The following TMEM260 variants were observed in gnomAD, a reference collection of about 807,000 sequenced individuals.
The protein encoded by TMEM260 is protein O-mannosyl-transferase TMEM260.
TMEM260 carries 82 observed loss-of-function variants against 88.9 expected under a neutral mutation model. That is an observed-to-expected ratio of 0.92 (90% CI 0.77 to 1.11). The LOEUF (loss-of-function observed/expected upper bound fraction) is 1.11, where lower values mean the gene tolerates loss of function less well. Ranked by LOEUF, TMEM260 falls within the 50% of genes least tolerant of loss-of-function variation. The pLI is 0.00. For missense variants in TMEM260, 902 were observed against 853.4 expected (o/e 1.06, Z -0.71); for synonymous variants, 314 against 309.3 (o/e 1.02, Z -0.16).
chr14:56,608,378 T>C (rs892740646), intron 5 of TMEM260, among the ~76,000 whole-genome samples: 11 of 152,224 alleles, frequency 7.2e-5, no homozygotes, highest in Non-Finnish European at 1.2e-4. Context: ...TGATTGAATA[T>C]ATCAGAATTC....
chr14:56,624,826 T>C (rs1888141512), intron 11 of TMEM260, among the ~76,000 whole-genome samples: 1 of 151,774 alleles, frequency 6.6e-6, no homozygotes, highest in Non-Finnish European at 1.5e-5. Context: ...GTCCCCAACC[T>C]TTTTTACACC....
At chr14:56,607,835 G>A (rs770198599) in intron 5 of TMEM260, among the ~76,000 whole-genome samples, 3 of 152,120 alleles carry the variant, frequency 2.0e-5, no homozygotes, top group Non-Finnish European at 4.4e-5. Context: ...TGATTTTAAT[G>A]TGCAGTTAGG....
intron 15 of TMEM260, among the ~76,000 whole-genome samples, chr14:56,643,021 A>G (rs1048475980): frequency 2.0e-5 from 3 of 152,222 alleles, no homozygotes; most frequent in Non-Finnish European, 2.9e-5. Flanking sequence ...GCAATAATTA[A>G]TAGCTTACCA....
intron 6 of TMEM260, among the ~76,000 whole-genome samples, chr14:56,609,573 A>G (rs576114002): frequency 1.3e-5 from 2 of 152,348 alleles, no homozygotes; most frequent in South Asian, 2.1e-4. Flanking sequence ...TCTTGTTAGC[A>G]GTGAGTCACT....
intron 15 of TMEM260, among the ~76,000 whole-genome samples, chr14:56,642,507 C>T (rs558716548): frequency 2.1e-4 from 32 of 152,182 alleles, no homozygotes; most frequent in Non-Finnish European, 4.4e-4. Flanking sequence ...ACATTTAAAG[C>T]AGTGTGTGGA....
At chr14:56,593,851 C>T (rs964501757) in intron 3 of TMEM260, among the ~76,000 whole-genome samples, 2 of 151,062 alleles carry the variant, frequency 1.3e-5, no homozygotes, top group Non-Finnish European at 3.0e-5. Flanking sequence ...CCGCGCCCGG[C>T]TAATTTTTTG....
At chr14:56,593,718 C>T (rs1407652591) in intron 3 of TMEM260, among the ~76,000 whole-genome samples, 11 of 109,452 alleles carry the variant, frequency 1.0e-4, no homozygotes, top group African/African-American at 3.0e-4. Flanking sequence ...GACTGAGTCT[C>T]GGTCTGTCGC....
intron 1 of TMEM260, among the ~76,000 whole-genome samples, chr14:56,582,889 AGTT>A (rs1885229523): frequency 6.6e-6 from 1 of 152,094 alleles, no homozygotes; most frequent in Admixed American, 6.6e-5. Flanking sequence ...TTTCGATTTT[AGTT>A]TAACATTTGA....
chr14:56,638,793 AGCAGG>A lies in TMEM260; in HGVS notation c.1869+2203_1869+2207del, dbSNP rs377471514. Among the ~76,000 whole-genome samples, 192 of 152,302 alleles carry A rather than the reference AGCAGG, an allele frequency of 1.3e-3. 9 individuals carry two copies. The South Asian group carries it at 0.032, about 26-fold the overall frequency. ...ATATTAAGTTCAGGTGACATCAGGG[AGCAGG>A]GCAGGGCGTAGGCAATGCTATAGGA... On this transcript the variant is annotated intron_variant, in intron 15 of 15. Coordinates refer to ENST00000261556, the MANE Select transcript of TMEM260 (RefSeq NM_017799.4).
intron 15 of TMEM260, among the ~76,000 whole-genome samples, chr14:56,644,036 G>A (rs1889787622): frequency 6.6e-6 from 1 of 152,124 alleles, no homozygotes; most frequent in African/African-American, 2.4e-5. Flanking sequence ...AACATTCCAT[G>A]CTCATGGGTA....
At chr14:56,610,636 A>T (rs1887200604) in intron 6 of TMEM260, among the ~76,000 whole-genome samples, 1 of 152,202 alleles carries the variant, frequency 6.6e-6, no homozygotes, top group Non-Finnish European at 1.5e-5. Flanking sequence ...TTTTATATGT[A>T]GGAGATGTTT....
intron 1 of TMEM260, among the ~76,000 whole-genome samples, chr14:56,581,824 T>C (rs1566520994): frequency 6.6e-6 from 1 of 152,250 alleles, no homozygotes; most frequent in Non-Finnish European, 1.5e-5. Flanking sequence ...CCTTAACCTC[T>C]ACTTTTCGTC....
At chr14:56,630,559 T>C (rs1305796732) in intron 12 of TMEM260, among the ~76,000 whole-genome samples, 1 of 152,188 alleles carries the variant, frequency 6.6e-6, no homozygotes, top group Non-Finnish European at 1.5e-5. Context: ...TATATTTTAC[T>C]TTTTGTTGAG....
chr14:56,655,505 T>A (rs1377067808), downstream of TMEM260, among the ~76,000 whole-genome samples: 1 of 152,172 alleles, frequency 6.6e-6, no homozygotes, highest in Non-Finnish European at 1.5e-5. Flanking sequence ...GCATGCACTT[T>A]GCGCGTTTGA....
chr14:56,659,467 G>A, the TMEM260 span, among the ~76,000 whole-genome samples: 1 of 152,160 alleles, frequency 6.6e-6, no homozygotes, highest in Non-Finnish European at 1.5e-5. Flanking sequence ...GTTAGGGTAG[G>A]TAGCTCTCGA....
the TMEM260 span, among the ~76,000 whole-genome samples, chr14:56,662,497 T>C: frequency 1.3e-5 from 2 of 152,142 alleles, no homozygotes; most frequent in African/African-American, 4.8e-5. Flanking sequence ...ACCCCTGCTA[T>C]ATCTCAGAAG....
At chr14:56,626,712 TC>T (rs913772072) in intron 12 of TMEM260, among the ~76,000 whole-genome samples, 6 of 152,182 alleles carry the variant, frequency 3.9e-5, no homozygotes, top group African/African-American at 1.4e-4. Flanking sequence ...TTGGGGACAT[TC>T]ATTCAGCATT....
chr14:56,643,870 A>G (rs1889777453), intron 15 of TMEM260, among the ~76,000 whole-genome samples: 1 of 152,164 alleles, frequency 6.6e-6, no homozygotes, highest in African/African-American at 2.4e-5. Flanking sequence ...CCAGTAACAG[A>G]CAGAGAGGCA....
upstream of TMEM260, chr14:56,579,646 T>G (rs1028820550): frequency 2.7e-6 from 1 of 373,266 alleles, no homozygotes; most frequent in Non-Finnish European, 4.8e-6. Context: ...GCTCTCCTGG[T>G]GATTAGGAAC....
Sources: gnomAD v4.1 joint callset for allele counts (sites outside exome capture counted in the v4.1 genomes callset) on GRCh38, gnomAD v4.1.1 for gene constraint, MANE v1.5 for transcripts, NCBI Gene and HGNC (gene_info 2026-07-23, HGNC 2026-07-21) for gene names.